The following TPRX1 variants were observed in gnomAD, a reference collection of about 807,000 sequenced individuals.
TPRX1 encodes tetrapeptide repeat homeobox 1.
A neutral mutation model predicts 8.1 loss-of-function variants in TPRX1; 2 were observed. The ratio of observed to expected loss-of-function variants is 0.25; its 90% confidence interval spans 0.10 to 0.78. The LOEUF is 0.78. Among genes scored for constraint, TPRX1 ranks in the 30% least tolerant of loss-of-function variants. The pLI, the probability that TPRX1 is intolerant of heterozygous loss-of-function variation, is 0.70. For missense variants in TPRX1, 517 were observed against 586.9 expected (o/e 0.88, Z 1.23); for synonymous variants, 257 against 254.1 (o/e 1.01, Z -0.11).
chr19:47,802,388 GGGA>G (rs1271107693), exon 4 of TPRX1: 8 of 1,003,094 alleles, frequency 8.0e-6, no homozygotes, highest in Admixed American at 2.6e-5. Flanking sequence ...GATTGGGCCT[GGGA>G]TCGGGCCTGG....
rs1467363218 is a variant in TPRX1 at position 47,802,525 on chromosome 19, C to T, written c.777G>A (p.Pro259=). The stretch of plus-strand genomic sequence containing the variant: ...ATGGGCCTGAGATTGGGCCTGGGAT[C>T]GGGGCTGGGCCTGAAATTGGGCCTG... The change falls in exon 4 of 4, where the codon CCG becomes CCA. Residue 259 remains proline (P), a synonymous_variant. Coordinates refer to ENST00000535759, the Ensembl canonical transcript of TPRX1. The T allele has an allele frequency of 9.2e-6, 14 of 1,516,170 alleles. No homozygotes were observed. The South Asian group carries it at 1.1e-4, about 12-fold the overall frequency. 93.9% of individuals were successfully genotyped at this position (1,516,170 alleles called of 1,614,324 possible).
At chr19:47,805,702 A>G (rs899306514) in intron 2 of TPRX1, among the ~76,000 whole-genome samples, 8 of 152,260 alleles carry the variant, frequency 5.3e-5, no homozygotes, top group Middle Eastern at 3.4e-3. Flanking sequence ...CATCGCACAC[A>G]TTGTCCGGCT....
In TPRX1 at chr19:47,815,898, C is replaced by T. The variant is rs530785641; in HGVS notation, c.151+2570G>A. On this transcript the variant is annotated intron_variant, in intron 2 of 3. Coordinates refer to ENST00000535759, the Ensembl canonical transcript of TPRX1. Reference sequence around the variant, plus strand: ...TATCAACAAAAGCTCTTTGAGCCTTCGGTTACTTTAAATTTCAAGAGCTGG... The same window carrying T: ...TATCAACAAAAGCTCTTTGAGCCTTTGGTTACTTTAAATTTCAAGAGCTGG... Among the ~76,000 whole-genome samples, 24 of 152,040 alleles carry T rather than the reference C, an allele frequency of 1.6e-4. No individual in the cohort carries two copies. The South Asian group carries it at 2.3e-3, about 14-fold the overall frequency.
intron 2 of TPRX1, among the ~76,000 whole-genome samples, chr19:47,814,008 TG>T (rs1163182562): frequency 6.7e-6 from 1 of 148,968 alleles, no homozygotes; most frequent in Non-Finnish European, 1.5e-5. Context: ...GCATATTCCC[TG>T]GCTGTTTAGG....
chr19:47,815,993 G>A (rs573437173), intron 2 of TPRX1, among the ~76,000 whole-genome samples: 2 of 152,016 alleles, frequency 1.3e-5, no homozygotes, highest in Non-Finnish European at 2.9e-5. Context: ...TGTGTAGCGG[G>A]GTAGTTGAGG....
At chr19:47,801,830 T>A (rs769454097) in exon 4 of TPRX1, 1 of 1,614,126 alleles carries the variant, frequency 6.2e-7, no homozygotes, top group Non-Finnish European at 8.5e-7. Flanking sequence ...AGAGCCACCC[T>A]CCTCTTGGGG....
Position 47,806,347 on chromosome 19 carries a change from C to T in TPRX1, c.152-2674G>A, listed in dbSNP as rs544902082. Among the ~76,000 whole-genome samples the T allele has an allele frequency of 5.3e-4, 81 of 152,038 alleles. 1 individual carries two copies. Among genetic ancestry groups the T allele is most frequent in the African/African-American group, 1.9e-3 (77 of 41,494 alleles). Reference sequence around the variant, plus strand: ...CAGCTTGGTCGACATGGTGAAAATCCGTCTCTACTAAAAATACAAAAAATT... The same window carrying T: ...CAGCTTGGTCGACATGGTGAAAATCTGTCTCTACTAAAAATACAAAAAATT... On this transcript the variant is annotated intron_variant, in intron 2 of 3. Coordinates refer to ENST00000535759, the Ensembl canonical transcript of TPRX1.
chr19:47,816,371 T>C (rs1967840650), intron 2 of TPRX1, among the ~76,000 whole-genome samples: 1 of 151,780 alleles, frequency 6.6e-6, no homozygotes, highest in Admixed American at 6.6e-5. Flanking sequence ...CCTGGCCTTC[T>C]TTTTAATTTT....
At chr19:47,803,218 C>CG (rs145969328) in intron 3 of TPRX1, among the ~76,000 whole-genome samples, 4,431 of 151,208 alleles carry the variant, frequency 0.029, 235 homozygotes, top group African/African-American at 0.1. Context: ...CCCAGGTGCC[C>CG]GGGGGGCCAG....
chr19:47,806,773 C>T (rs545925473), intron 2 of TPRX1, among the ~76,000 whole-genome samples: 287 of 152,108 alleles, frequency 1.9e-3, no homozygotes, highest in Non-Finnish European at 3.4e-3. Flanking sequence ...GTGGTTGCTA[C>T]GGGTTGGGGA....
At chr19:47,810,473 T>G (rs981929837) in intron 2 of TPRX1, among the ~76,000 whole-genome samples, 2 of 146,480 alleles carry the variant, frequency 1.4e-5, no homozygotes, top group Non-Finnish European at 1.5e-5. Flanking sequence ...CTCAGCCTCC[T>G]GAGTAGCTGG....
chr19:47,813,899 C>T (rs1453682443), intron 2 of TPRX1, among the ~76,000 whole-genome samples: 18 of 132,336 alleles, frequency 1.4e-4, no homozygotes, highest in Non-Finnish European at 1.9e-4. Context: ...CACCAGGGGG[C>T]GGCAGAGGAC....
exon 4 of TPRX1, chr19:47,802,484 G>A: frequency 1.3e-6 from 2 of 1,544,652 alleles, no homozygotes; most frequent in Non-Finnish European, 1.7e-6. Context: ...GATCGGGCCT[G>A]GGTTTGGGCC....
At chr19:47,812,749 T>G (rs116098804) in intron 2 of TPRX1, among the ~76,000 whole-genome samples, 4,179 of 151,824 alleles carry the variant, frequency 0.028, 204 homozygotes, top group African/African-American at 0.092. Flanking sequence ...TGAGAAACAC[T>G]GCACTTCATC....
rs116227569 is a variant in TPRX1, at chr19:47,807,201, C to T, written c.152-3528G>A. Among the ~76,000 whole-genome samples the T allele has an allele frequency of 7.9e-3, 1,209 of 152,176 alleles. 15 individuals are homozygous for T. Among genetic ancestry groups the T allele is most frequent in the African/African-American group, 0.027 (1,109 of 41,514 alleles). On this transcript the variant is annotated intron_variant, in intron 2 of 3. Coordinates refer to ENST00000535759, the Ensembl canonical transcript of TPRX1. ...GATTACAGGTGTGAAACACCGCGCC[C>T]GGCCAAAACCATTTCATTTTGTACT...
At chr19:47,805,070 C>T (rs1414669283) in intron 2 of TPRX1, among the ~76,000 whole-genome samples, 1 of 152,248 alleles carries the variant, frequency 6.6e-6, no homozygotes, top group Non-Finnish European at 1.5e-5. Flanking sequence ...CTGGCCCCTA[C>T]TATCCATTCC....
At chr19:47,807,393 A>T (rs1005692939) in intron 2 of TPRX1, among the ~76,000 whole-genome samples, 2 of 151,700 alleles carry the variant, frequency 1.3e-5, no homozygotes, top group Non-Finnish European at 2.9e-5. Context: ...TTATTTATGT[A>T]TTTGTTTTGA....
In TPRX1 at chr19:47,805,821, A is replaced by C. The variant is rs538491375; in HGVS notation, c.152-2148T>G. ...ACAGATGAACAAGCTCACTGGTACT[A>C]TTTTGTGAAAATAGACATTTAAATA... is the stretch of plus-strand genomic sequence containing the variant. On this transcript the variant is annotated intron_variant, in intron 2 of 3. Coordinates refer to ENST00000535759, the Ensembl canonical transcript of TPRX1. Among the ~76,000 whole-genome samples the C allele has an allele frequency of 5.3e-5, 8 of 152,350 alleles. No homozygotes were observed. The South Asian group carries it at 1.7e-3, about 32-fold the overall frequency.
At chr19:47,810,254 CAAAAAAAAAAAAAAA>C (rs767070353) in intron 2 of TPRX1, among the ~76,000 whole-genome samples, 11 of 21,394 alleles carry the variant, frequency 5.1e-4, no homozygotes, top group African/African-American at 1.5e-3. Context: ...GACTCCATCT[CAAAAAAAAAAAAAAA>C]AAAAAAAAAA....
Sources: allele counts gnomAD v4.1 joint callset (sites outside exome capture counted in the v4.1 genomes callset), GRCh38; gene constraint gnomAD v4.1.1; transcripts MANE v1.5; gene names NCBI Gene and HGNC (gene_info 2026-07-23, HGNC 2026-07-21).